KAZN: variants seen among roughly 807,000 people sequenced by gnomAD.
KAZN encodes the protein kazrin.
In KAZN, 40 loss-of-function variants were observed where a neutral mutation model predicts 87.4. The ratio of observed to expected loss-of-function variants is 0.46; its 90% CI spans 0.36 to 0.60. The LOEUF is 0.60. Ranked by LOEUF, KAZN falls within the 20% of genes least tolerant of loss-of-function variation. The pLI is 0.00. For synonymous variants in KAZN, 466 were observed against 458.3 expected (o/e 1.02, Z -0.22); for missense variants, 898 against 1,073.9 (o/e 0.84, Z 2.29).
At chr1:14,691,741 C>A (rs942239471) in intron 1 of KAZN, among the ~76,000 whole-genome samples, 1 of 152,166 alleles carries the variant, frequency 6.6e-6, no homozygotes, top group African/African-American at 2.4e-5. Context: ...CCCGCCTCAG[C>A]CTCCCAGAGT....
intron 2 of KAZN, among the ~76,000 whole-genome samples, chr1:14,543,897 G>T (rs1407544280): frequency 6.6e-6 from 1 of 152,186 alleles, no homozygotes; most frequent in Non-Finnish European, 1.5e-5. Flanking sequence ...TTGTTAGTAA[G>T]ACAATTAATT....
chr1:14,894,439 C>CT (rs1296832429), intron 1 of KAZN, among the ~76,000 whole-genome samples: 13 of 152,204 alleles, frequency 8.5e-5, no homozygotes. Context: ...GGTAACAGTC[C>CT]TCACTGTGTT....
intron 1 of KAZN, among the ~76,000 whole-genome samples, chr1:14,674,111 A>C (rs1041470391): frequency 2.0e-5 from 3 of 152,210 alleles, no homozygotes; most frequent in Non-Finnish European, 4.4e-5. Flanking sequence ...TCAAAGGTGA[A>C]CAGATGGCCA....
At chr1:15,105,122 T>A (rs570246808) in intron 13 of KAZN, among the ~76,000 whole-genome samples, 7 of 152,366 alleles carry the variant, frequency 4.6e-5, no homozygotes, top group Admixed American at 1.3e-4. Flanking sequence ...TCTATAGTTT[T>A]CCCTCCTTGT....
At chr1:14,180,684 C>G in intron 2 of KAZN, 1 of 920,380 alleles carries the variant, frequency 1.1e-6, no homozygotes, top group Non-Finnish European at 1.6e-6. Flanking sequence ...AACTACCACA[C>G]CTATTGAAAC....
At chr1:14,466,864 G>A (rs1385845020) in intron 2 of KAZN, among the ~76,000 whole-genome samples, 1 of 152,176 alleles carries the variant, frequency 6.6e-6, no homozygotes, top group Non-Finnish European at 1.5e-5. Flanking sequence ...AGCTACTTGG[G>A]AGGCTGAGGC....
intron 2 of KAZN, among the ~76,000 whole-genome samples, chr1:14,545,638 A>C (rs1224949851): frequency 6.6e-6 from 1 of 152,210 alleles, no homozygotes; most frequent in East Asian, 1.9e-4. Context: ...GATATGCTGC[A>C]GTAACAAAAG....
At chr1:14,762,429 C>G (rs894316555) in intron 1 of KAZN, among the ~76,000 whole-genome samples, 1 of 152,046 alleles carries the variant, frequency 6.6e-6, no homozygotes, top group Non-Finnish European at 1.5e-5. Flanking sequence ...ATGGTGGCAT[C>G]AAGAAAGAAG....
chr1:15,048,878 T>A (rs147191318), intron 4 of KAZN, among the ~76,000 whole-genome samples: 1 of 151,560 alleles, frequency 6.6e-6, no homozygotes, highest in Non-Finnish European at 1.5e-5. Context: ...TCCTGGGTCG[T>A]TGGTCCTGGG....
chr1:13,992,833 T>G (rs1198312679), intron 1 of KAZN, among the ~76,000 whole-genome samples: 1 of 152,152 alleles, frequency 6.6e-6, no homozygotes, highest in Non-Finnish European at 1.5e-5. Flanking sequence ...CTGTGCTTTT[T>G]TATAAGTTCA....
chr1:13,957,834 A>G (rs1168402094), intron 1 of KAZN, among the ~76,000 whole-genome samples: 1 of 152,148 alleles, frequency 6.6e-6, no homozygotes, highest in Admixed American at 6.5e-5. Context: ...GCCCCATCTC[A>G]AATTTGGAGA....
chr1:14,758,482 AT>A (rs35168767), intron 1 of KAZN, among the ~76,000 whole-genome samples: 80,363 of 149,848 alleles, frequency 0.54, 22,049 homozygotes, highest in African/African-American at 0.6. Flanking sequence ...TAATTTTTTA[AT>A]TTTTTTTTTT....
At chr1:14,000,782 A>ATTTTTTTTTTT (rs201523239) in intron 1 of KAZN, among the ~76,000 whole-genome samples, 1 of 150,640 alleles carries the variant, frequency 6.6e-6, no homozygotes, top group Non-Finnish European at 1.5e-5. Flanking sequence ...AGATGACATG[A>ATTTTTTTTTTT]TTTTTTTTGT....
At chr1:14,383,768 C>G (rs1661589719) in intron 2 of KAZN, among the ~76,000 whole-genome samples, 1 of 152,058 alleles carries the variant, frequency 6.6e-6, no homozygotes, top group African/African-American at 2.4e-5. Context: ...CGCCTTTGTT[C>G]TTTTGGCTTA....
chr1:14,108,892 A>T (rs1160036365), intron 1 of KAZN, among the ~76,000 whole-genome samples: 1 of 151,974 alleles, frequency 6.6e-6, no homozygotes, highest in Non-Finnish European at 1.5e-5. Context: ...ACCCCAACAT[A>T]TTTCTAGTTC....
intron 1 of KAZN, among the ~76,000 whole-genome samples, chr1:14,139,540 C>T (rs952079770): frequency 6.6e-6 from 1 of 152,210 alleles, no homozygotes; most frequent in African/African-American, 2.4e-5. Flanking sequence ...GAGCTCCCAG[C>T]CCCATTATTC....
chr1:14,755,550 T>C (rs935718770), intron 1 of KAZN, among the ~76,000 whole-genome samples: 4 of 152,150 alleles, frequency 2.6e-5, no homozygotes, highest in African/African-American at 4.8e-5. Context: ...TAACATTCAT[T>C]ACAAGGAAGG....
intron 2 of KAZN, among the ~76,000 whole-genome samples, chr1:14,519,790 A>C (rs1355989774): frequency 6.6e-6 from 1 of 152,120 alleles, no homozygotes; most frequent in Non-Finnish European, 1.5e-5. Context: ...GAGGATCCCC[A>C]GAGTCCCATG....
At chr1:14,676,202 A>G (rs145313073) in intron 1 of KAZN, among the ~76,000 whole-genome samples, 10 of 152,208 alleles carry the variant, frequency 6.6e-5, no homozygotes, top group Non-Finnish European at 1.2e-4. Context: ...TTGACTCCCT[A>G]CTGGGATTAC....
Sources: gnomAD v4.1 joint callset for allele counts (sites outside exome capture counted in the v4.1 genomes callset) on GRCh38, gnomAD v4.1.1 for gene constraint, MANE v1.5 for transcripts, NCBI Gene and HGNC (gene_info 2026-07-23, HGNC 2026-07-21) for gene names.